The following RAB3GAP2 variants were observed in gnomAD, a reference collection of about 807,000 sequenced individuals.
RAB3GAP2 encodes the protein RAB3 GTPase activating non-catalytic protein subunit 2.
A neutral mutation model predicts 185.3 loss-of-function variants in RAB3GAP2; 87 were observed. The observed-to-expected ratio is 0.47, with a 90% confidence interval of 0.39 to 0.56. The LOEUF is 0.56. Among genes scored for constraint, RAB3GAP2 ranks in the 20% least tolerant of loss-of-function variants. RAB3GAP2 has a pLI of 0.00. For missense variants in RAB3GAP2, 1,492 were observed against 1,638.2 expected, an observed-to-expected ratio of 0.91 and a Z score of 1.54; for synonymous variants, 554 against 576.1, an observed-to-expected ratio of 0.96 and a Z score of 0.55.
chr1:220,174,596 T>C (rs1221615349), intron 21 of RAB3GAP2, among the ~76,000 whole-genome samples: 1 of 152,220 alleles, frequency 6.6e-6, no homozygotes, highest in African/African-American at 2.4e-5. Context: ...ATAGTCACCC[T>C]GTTGTGCTAT....
chr1:220,262,930 A>G (rs1660167329), intron 1 of RAB3GAP2, among the ~76,000 whole-genome samples: 1 of 151,978 alleles, frequency 6.6e-6, no homozygotes, highest in East Asian at 1.9e-4. Context: ...AACAATGCAC[A>G]AAAGTTTATA....
At chr1:220,235,249 T>C (rs1659570442) in intron 1 of RAB3GAP2, among the ~76,000 whole-genome samples, 1 of 152,212 alleles carries the variant, frequency 6.6e-6, no homozygotes, top group Non-Finnish European at 1.5e-5. Flanking sequence ...CTTGGAAAAT[T>C]AGCTTGTTTT....
In RAB3GAP2 at chr1:220,197,752, G is replaced by A. The variant is rs534455443; in HGVS notation, c.812-1354C>T. Among the ~76,000 whole-genome samples, 10 of 152,142 alleles carry A rather than the reference G, an allele frequency of 6.6e-5. No individual in the cohort carries two copies. The South Asian group carries it at 1.7e-3, about 25-fold the overall frequency. On this transcript the variant is annotated intron_variant, in intron 9 of 34. Coordinates refer to ENST00000358951, the MANE Select transcript of RAB3GAP2 (RefSeq NM_012414.4). The stretch of plus-strand genomic sequence containing the variant: ...ATAAATTACTACACAGTAATCCAGA[G>A]GACAATTTTGCAATAGATATGCAAT...
intron 1 of RAB3GAP2, among the ~76,000 whole-genome samples, chr1:220,252,209 A>G (rs1204931221): frequency 6.6e-6 from 1 of 151,268 alleles, no homozygotes; most frequent in Non-Finnish European, 1.5e-5. Context: ...AGCTATATAT[A>G]CCTGAAAACT....
In RAB3GAP2 at chr1:220,149,489, T is replaced by G. The variant is rs1160081770; in HGVS notation, c.*1762A>C. 1 of 152,210 alleles carries G rather than the reference T, an allele frequency of 6.6e-6. No individual in the cohort carries two copies. The highest frequency in any genetic ancestry group is 1.5e-5 in the Non-Finnish European group (1 of 68,028). 9.4% of individuals were successfully genotyped at this position (152,210 alleles called of 1,614,324 possible). On this transcript the variant is annotated 3_prime_UTR_variant, in exon 35 of 35. Coordinates refer to ENST00000358951, the MANE Select transcript of RAB3GAP2 (RefSeq NM_012414.4). ...CTCCAAGTTTCTTTGACTAGCCTCC[T>G]TAAGTTCATACTACTACTTTCAGCG...
intron 1 of RAB3GAP2, among the ~76,000 whole-genome samples, chr1:220,247,915 T>G (rs1659849507): frequency 6.6e-6 from 1 of 151,516 alleles, no homozygotes; most frequent in African/African-American, 2.4e-5. Flanking sequence ...AAAAAATGAA[T>G]AAAGATGAAA....
At chr1:220,223,832 A>G (rs868324365) in intron 2 of RAB3GAP2, among the ~76,000 whole-genome samples, 26 of 151,972 alleles carry the variant, frequency 1.7e-4, no homozygotes, top group Middle Eastern at 3.4e-3. Flanking sequence ...GCCCTTTAGA[A>G]GCACCATGCA....
At chr1:220,269,852 G>A (rs1660302450) in intron 1 of RAB3GAP2, among the ~76,000 whole-genome samples, 1 of 152,124 alleles carries the variant, frequency 6.6e-6, no homozygotes, top group Non-Finnish European at 1.5e-5. Context: ...TCATATCATA[G>A]CCCAGGTTGA....
chr1:220,191,334 G>A (rs1658615979), intron 13 of RAB3GAP2, 50 bp from the exon 14 acceptor site: 1 of 887,018 alleles, frequency 1.1e-6, no homozygotes, highest in South Asian at 1.4e-5. Flanking sequence ...AGGTTCCATA[G>A]TAGCCTCCTG....
In RAB3GAP2 at chr1:220,210,439, T is replaced by G; in HGVS notation, c.561A>C (p.Gln187His). 2 of 1,614,148 alleles carry G rather than the reference T, an allele frequency of 1.2e-6. No homozygotes were observed. The highest frequency in any genetic ancestry group is 1.3e-5 in the African/African-American group (1 of 75,052). ...GTATTTCATAGGTTCTGCATTTAAG[T>G]TGAAGTACTGGGTCCTCATTCAAAA... ...AQLLNEDPVL[Q>H]LKCRTYEIPR... The change falls in exon 7 of 35, where the codon CAA becomes CAC. Residue 187 changes from glutamine to histidine, a missense_variant. This residue lies in a region of RAB3GAP2 where 243 missense variants were observed against 314.8 expected (regional missense o/e 0.77). Transcript: ENST00000358951.
At chr1:220,268,612 C>G (rs895598645) in intron 1 of RAB3GAP2, among the ~76,000 whole-genome samples, 2 of 152,200 alleles carry the variant, frequency 1.3e-5, no homozygotes, top group African/African-American at 4.8e-5. Context: ...CTGAGATCAT[C>G]TGTACAGGTT....
intron 9 of RAB3GAP2, among the ~76,000 whole-genome samples, chr1:220,196,800 C>G (rs1465006534): frequency 6.6e-6 from 1 of 151,364 alleles, no homozygotes; most frequent in Non-Finnish European, 1.5e-5. Context: ...CAACTGCACT[C>G]CAGCCTGGGC....
chr1:220,203,568 CAACA>C (rs1449232362), intron 8 of RAB3GAP2, among the ~76,000 whole-genome samples: 3 of 152,094 alleles, frequency 2.0e-5, no homozygotes, highest in Admixed American at 1.3e-4. Context: ...GTCTTATATA[CAACA>C]AACAAACAGA....
intron 27 of RAB3GAP2, 119 bp from the exon 28 acceptor site, chr1:220,162,387 ATC>A (rs914569767): frequency 1.3e-5 from 9 of 680,014 alleles, no homozygotes; most frequent in Non-Finnish European, 2.1e-5. Context: ...CATTTTTTAT[ATC>A]TCATGTAATA....
intron 1 of RAB3GAP2, among the ~76,000 whole-genome samples, chr1:220,261,956 A>G (rs527483696): frequency 6.6e-6 from 1 of 152,124 alleles, no homozygotes; most frequent in Admixed American, 6.6e-5. Flanking sequence ...TAATCTATTT[A>G]TTATTAATCT....
intron 22 of RAB3GAP2, 128 bp downstream of exon 22, chr1:220,172,509 G>C (rs751149986): frequency 2.9e-5 from 19 of 665,996 alleles, no homozygotes; most frequent in Non-Finnish European, 4.6e-5. Flanking sequence ...ATACATAAAA[G>C]AATCTCTACG....
chr1:220,171,805 C>T, intron 23 of RAB3GAP2, 84 bp downstream of exon 23: 1 of 1,530,814 alleles, frequency 6.5e-7, no homozygotes, highest in Non-Finnish European at 9.0e-7. Flanking sequence ...CTCCAAAAAA[C>T]CCCCCGAAAA....
chr1:220,158,462 CAG>C lies in RAB3GAP2; in HGVS notation c.3262-588_3262-587del, dbSNP rs1210697766. Among the ~76,000 whole-genome samples, 6 of 150,698 alleles carry C rather than the reference CAG, an allele frequency of 4.0e-5. No individual in the cohort carries two copies. The highest frequency in any genetic ancestry group is 1.5e-4 in the African/African-American group (6 of 41,054). On this transcript the variant is annotated intron_variant, in intron 29 of 34. Coordinates refer to ENST00000358951, the MANE Select transcript of RAB3GAP2 (RefSeq NM_012414.4). The surrounding 1 kb of genome is among the most constrained non-coding windows in gnomAD (Gnocchi z 4.3). ...GTATAATCTTTTTTTTTTTTTGAGA[CAG>C]AGTTTCATTCTTGTTGCCCAGGCTG... is the stretch of plus-strand genomic sequence containing the variant.
At chr1:220,271,140 C>G (rs1660326196) in intron 1 of RAB3GAP2, 1 of 152,210 alleles carries the variant, frequency 6.6e-6, no homozygotes, top group African/African-American at 2.4e-5. Context: ...GAAGTTCCTA[C>G]AGCAGGGTCC....
Sources: allele counts gnomAD v4.1 joint callset (sites outside exome capture counted in the v4.1 genomes callset), GRCh38; gene constraint gnomAD v4.1.1; regional missense constraint gnomAD v4.1.1; non-coding constraint Gnocchi (gnomAD v3.1); transcripts MANE v1.5; gene names NCBI Gene and HGNC (gene_info 2026-07-23, HGNC 2026-07-21).